PDE4D: variants seen among roughly 807,000 people sequenced by gnomAD.
PDE4D encodes phosphodiesterase 4D, also known as 3',5'-cyclic-AMP phosphodiesterase 4D.
Under a neutral mutation model 87.4 loss-of-function variants are expected in PDE4D, and 24 were observed. That is an observed-to-expected ratio of 0.27 (90% CI 0.20 to 0.39). The LOEUF (loss-of-function observed/expected upper bound fraction) is 0.39, where lower values mean the gene tolerates loss of function less well. Ranked by LOEUF, PDE4D falls within the 10% of genes least tolerant of loss-of-function variation. PDE4D has a pLI of 1.00. For missense variants in PDE4D, 714 were observed against 1,041.0 expected, an observed-to-expected ratio of 0.69 and a Z score of 4.32; for synonymous variants, 384 against 383.2, an observed-to-expected ratio of 1.00 and a Z score of -0.02.
intron 1 of PDE4D, among the ~76,000 whole-genome samples, chr5:60,232,910 G>A (rs1027951047): frequency 6.6e-6 from 1 of 151,668 alleles, no homozygotes; most frequent in Non-Finnish European, 1.5e-5. Flanking sequence ...ATAGAAATTG[G>A]AAATAAAAAT....
At chr5:59,428,991 T>C (rs955162837) in intron 1 of PDE4D, among the ~76,000 whole-genome samples, 2 of 152,196 alleles carry the variant, frequency 1.3e-5, no homozygotes, top group African/African-American at 4.8e-5. Flanking sequence ...TACACTGTGA[T>C]GCCCAATTTT....
At chr5:59,545,056 G>C (rs1817028581) in intron 1 of PDE4D, among the ~76,000 whole-genome samples, 1 of 152,112 alleles carries the variant, frequency 6.6e-6, no homozygotes, top group Non-Finnish European at 1.5e-5. Context: ...TACATAAAAA[G>C]CAAAAGAACC....
intron 1 of PDE4D, among the ~76,000 whole-genome samples, chr5:59,866,489 G>C (rs1212238292): frequency 6.6e-6 from 1 of 151,894 alleles, no homozygotes; most frequent in Non-Finnish European, 1.5e-5. Context: ...ATTTACATAA[G>C]AAAGTACATG....
chr5:60,504,686 A>T (rs1352614599), intron 1 of PDE4D, among the ~76,000 whole-genome samples: 1 of 152,228 alleles, frequency 6.6e-6, no homozygotes, highest in Non-Finnish European at 1.5e-5. Flanking sequence ...TCTTTTCAAC[A>T]GTCTGCATCT....
chr5:60,080,576 A>T (rs1464257260), intron 2 of PDE4D, among the ~76,000 whole-genome samples: 3 of 152,150 alleles, frequency 2.0e-5, no homozygotes, highest in Non-Finnish European at 4.4e-5. Context: ...GTTTATTGTG[A>T]GTTTTTAACA....
At chr5:59,750,167 A>T (rs532790413) in intron 1 of PDE4D, among the ~76,000 whole-genome samples, 1 of 150,116 alleles carries the variant, frequency 6.7e-6, no homozygotes, top group South Asian at 2.1e-4. Flanking sequence ...GGTTACTTCA[A>T]TAGTTTAACT....
At chr5:59,586,157 T>A (rs888092165) in intron 1 of PDE4D, among the ~76,000 whole-genome samples, 1 of 152,212 alleles carries the variant, frequency 6.6e-6, no homozygotes, top group African/African-American at 2.4e-5. Context: ...ATTAACAAAG[T>A]ATTTTTATTG....
chr5:59,430,752 A>G (rs1562174539), intron 1 of PDE4D, among the ~76,000 whole-genome samples: 1 of 152,126 alleles, frequency 6.6e-6, no homozygotes, highest in African/African-American at 2.4e-5. Flanking sequence ...GTAGGCAGCA[A>G]GGTTTTATCC....
chr5:59,392,444 C>T (rs1342057418), intron 1 of PDE4D, among the ~76,000 whole-genome samples: 1 of 150,356 alleles, frequency 6.7e-6, no homozygotes, highest in African/African-American at 2.5e-5. Context: ...TATTGTGGAA[C>T]GTTGTGATTA....
chr5:59,287,147 A>G (rs2153552816), intron 1 of PDE4D, among the ~76,000 whole-genome samples: 1 of 152,228 alleles, frequency 6.6e-6, no homozygotes, highest in African/African-American at 2.4e-5. Flanking sequence ...TTTAGATGGT[A>G]TTTCTGGACC....
At chr5:59,798,104 G>A (rs149736930) in intron 1 of PDE4D, among the ~76,000 whole-genome samples, 6 of 152,030 alleles carry the variant, frequency 3.9e-5, no homozygotes, top group Non-Finnish European at 7.4e-5. Flanking sequence ...GTGGTGGCCC[G>A]CACCTGTAAT....
At chr5:60,231,608 C>A (rs918147608) in intron 1 of PDE4D, among the ~76,000 whole-genome samples, 1 of 151,848 alleles carries the variant, frequency 6.6e-6, no homozygotes. Flanking sequence ...TTGAACAATA[C>A]ACGGGAACAT....
rs1742230317 is a variant in PDE4D, at chr5:58,969,477, C to T, written c.*5187G>A. 6.6e-6 allele frequency: 1 copy of T among 152,208 alleles called. No homozygotes were observed. The highest frequency in any genetic ancestry group is 1.5e-5 in the Non-Finnish European group (1 of 68,050). The allele number at this position is 152,208 out of a possible 1,614,324, so 9.4% of individuals were successfully genotyped here. A position where few individuals can be genotyped will look rare whatever the true frequency, so the allele number is the denominator to read the frequency against. On this transcript the variant is annotated 3_prime_UTR_variant, in exon 15 of 15. Transcript: ENST00000340635. ...GTCTGGATCCCCTTCCTCTTCCTGT[C>T]AACTTTTTCCCTAGTTACCTCTTAC...
chr5:59,244,680 CTG>C (rs369829189), intron 1 of PDE4D, among the ~76,000 whole-genome samples: 30,179 of 119,764 alleles, frequency 0.25, 3,693 homozygotes, highest in Middle Eastern at 0.37. Context: ...GTGTGTGTGT[CTG>C]TGTGTGTGTG....
chr5:59,405,373 A>T (rs1791432783), intron 1 of PDE4D, among the ~76,000 whole-genome samples: 1 of 152,026 alleles, frequency 6.6e-6, no homozygotes, highest in Admixed American at 6.6e-5. Context: ...TCTTTTTCAG[A>T]TTGTTCACCA....
intron 5 of PDE4D, among the ~76,000 whole-genome samples, chr5:59,150,025 T>C (rs1375993042): frequency 6.6e-6 from 1 of 152,122 alleles, no homozygotes; most frequent in Non-Finnish European, 1.5e-5. Context: ...AGAAACTTAA[T>C]GGATTAGTCA....
chr5:59,214,894 C>G (rs1324642778), intron 2 of PDE4D, among the ~76,000 whole-genome samples: 4 of 152,168 alleles, frequency 2.6e-5, no homozygotes, highest in African/African-American at 9.7e-5. Context: ...CTCAGGGGTT[C>G]CATACAGACT....
At chr5:60,301,586 C>A (rs1355449326) in intron 1 of PDE4D, among the ~76,000 whole-genome samples, 1 of 152,160 alleles carries the variant, frequency 6.6e-6, no homozygotes, top group African/African-American at 2.4e-5. Flanking sequence ...AGTTGCTTAT[C>A]AGATTAAGAA....
At chr5:59,758,291 T>C (rs1417980126) in intron 1 of PDE4D, among the ~76,000 whole-genome samples, 1 of 152,180 alleles carries the variant, frequency 6.6e-6, no homozygotes, top group East Asian at 1.9e-4. Flanking sequence ...AAGGGGTTAA[T>C]GTACACAAAG....
Sources: gnomAD v4.1 joint callset for allele counts (sites outside exome capture counted in the v4.1 genomes callset) on GRCh38, gnomAD v4.1.1 for gene constraint, MANE v1.5 for transcripts, NCBI Gene and HGNC (gene_info 2026-07-23, HGNC 2026-07-21) for gene names.